The following PCDH9 variants were observed in gnomAD, a reference collection of about 807,000 sequenced individuals.
PCDH9 encodes the protein protocadherin 9, also known as protocadherin-9.
A neutral mutation model predicts 70.6 loss-of-function variants in PCDH9; 24 were observed. The observed-to-expected ratio is 0.34, with a 90% CI of 0.25 to 0.48. The LOEUF is 0.48. Ranked by LOEUF, PCDH9 falls within the 20% of genes least tolerant of loss-of-function variation. The pLI is 0.99. For synonymous variants in PCDH9, 562 were observed against 558.5 expected, an observed-to-expected ratio of 1.01 and a Z score of -0.09; for missense variants, 1,281 against 1,503.6, an observed-to-expected ratio of 0.85 and a Z score of 2.45.
chr13:66,921,132 T>G (rs2082630718), intron 2 of PCDH9, among the ~76,000 whole-genome samples: 1 of 151,080 alleles, frequency 6.6e-6, no homozygotes, highest in South Asian at 2.1e-4. Flanking sequence ...AATCTCTACC[T>G]ACAAGACTGA....
At chr13:66,529,322 C>T (rs1960343127) in intron 4 of PCDH9, among the ~76,000 whole-genome samples, 1 of 152,098 alleles carries the variant, frequency 6.6e-6, no homozygotes, top group Non-Finnish European at 1.5e-5. Context: ...AATTGCAAAA[C>T]TCTAGCTATA....
At position 66,349,647 on chromosome 13, in the gene PCDH9, C is replaced by A. The variant is rs372977750; in HGVS notation, c.3341-44619G>T. On this transcript the variant is annotated intron_variant, in intron 4 of 4. Transcript: ENST00000377865. Reference sequence around the variant, plus strand: ...TAGTGGCTTTTGGGGCAATAGGAGACAGCACTGAAGAAAGTAGTCCCCAAA... The same window carrying A: ...TAGTGGCTTTTGGGGCAATAGGAGAAAGCACTGAAGAAAGTAGTCCCCAAA... Among the ~76,000 whole-genome samples, 5 of 152,188 alleles carry A rather than the reference C, an allele frequency of 3.3e-5. No individual in the cohort carries two copies. In the East Asian group the frequency reaches 7.8e-4, roughly 24 times the overall value.
At chr13:66,958,356 G>A (rs1232720597) in intron 2 of PCDH9, among the ~76,000 whole-genome samples, 5 of 152,188 alleles carry the variant, frequency 3.3e-5, no homozygotes, top group African/African-American at 7.2e-5. Flanking sequence ...TAAAGAAGTA[G>A]AGATTGCTTC....
chr13:66,612,773 G>T (rs897195653), intron 4 of PCDH9, among the ~76,000 whole-genome samples: 2 of 152,010 alleles, frequency 1.3e-5, no homozygotes, highest in African/African-American at 2.4e-5. Context: ...TTGAATGGCT[G>T]GGTGGGAAAC....
intron 2 of PCDH9, among the ~76,000 whole-genome samples, chr13:66,977,853 C>T (rs1000695092): frequency 6.6e-6 from 1 of 152,016 alleles, no homozygotes; most frequent in African/African-American, 2.4e-5. Context: ...CTCTATCCCA[C>T]CAGATTTCGC....
chr13:66,562,244 C>T (rs1015453942), intron 4 of PCDH9, among the ~76,000 whole-genome samples: 1 of 152,114 alleles, frequency 6.6e-6, no homozygotes, highest in African/African-American at 2.4e-5. Context: ...TCAGTTACCA[C>T]TGATGACATC....
chr13:66,737,823 C>CTT (rs1566159395), intron 3 of PCDH9, among the ~76,000 whole-genome samples: 17 of 152,208 alleles, frequency 1.1e-4, no homozygotes, highest in African/African-American at 3.6e-4. Flanking sequence ...GACTATATCC[C>CTT]ACACCTGGCT....
chr13:66,384,983 T>A (rs536431155), intron 4 of PCDH9, among the ~76,000 whole-genome samples: 2 of 152,176 alleles, frequency 1.3e-5, no homozygotes, highest in African/African-American at 4.8e-5. Context: ...TCTGCCACTT[T>A]ATACCTTTTG....
chr13:66,662,143 AC>A (rs1159429534), intron 3 of PCDH9, among the ~76,000 whole-genome samples: 1 of 152,094 alleles, frequency 6.6e-6, no homozygotes, highest in Non-Finnish European at 1.5e-5. Context: ...CAACATCAAA[AC>A]AAATATCAAG....
intron 2 of PCDH9, chr13:67,202,897 A>G (rs986041281): frequency 6.6e-6 from 1 of 152,054 alleles, no homozygotes; most frequent in African/African-American, 2.4e-5. Flanking sequence ...GTCTTGGTAT[A>G]TTTCCAAGGT....
rs1253500989 is a variant in PCDH9, at chr13:66,923,444, T to C, written c.3037-19839A>G. 3.3e-5 allele frequency among the ~76,000 whole-genome samples: 5 copies of C among 151,638 alleles called. No individual in the cohort carries two copies. The East Asian group carries it at 9.7e-4, about 29-fold the overall frequency. On this transcript the variant is annotated intron_variant, in intron 2 of 4. Coordinates refer to ENST00000377865, the MANE Select transcript of PCDH9 (RefSeq NM_203487.3). ...TGTAAATTGAATTATAAAGACTTTA[T>C]CTTAAGCAAGACAATTAAAATATCT...
chr13:66,439,425 A>G (rs1957933652), intron 4 of PCDH9, among the ~76,000 whole-genome samples: 4 of 152,212 alleles, frequency 2.6e-5, no homozygotes, highest in Admixed American at 2.6e-4. Flanking sequence ...TTCTAAGAGT[A>G]GATTTCAGAT....
intron 2 of PCDH9, among the ~76,000 whole-genome samples, chr13:67,029,676 A>T (rs1295293028): frequency 3.9e-5 from 6 of 152,180 alleles, no homozygotes; most frequent in Non-Finnish European, 8.8e-5. Flanking sequence ...AACTAAGCTT[A>T]TTCATCATTT....
chr13:66,779,849 C>CTCTCTCTATATATA (rs1395244975), intron 3 of PCDH9, among the ~76,000 whole-genome samples: 35 of 78,906 alleles, frequency 4.4e-4, no homozygotes, highest in African/African-American at 1.2e-3. Flanking sequence ...CTCTCTCTCT[C>CTCTCTCTATATATA]TATATATATA....
chr13:66,750,376 A>C (rs1594005901), intron 3 of PCDH9, among the ~76,000 whole-genome samples: 1 of 152,038 alleles, frequency 6.6e-6, no homozygotes, highest in East Asian at 1.9e-4. Context: ...AAGTTTTCTC[A>C]TTCTCCAAGT....
At chr13:66,484,884 G>T (rs1010577569) in intron 4 of PCDH9, among the ~76,000 whole-genome samples, 36 of 152,270 alleles carry the variant, frequency 2.4e-4, no homozygotes, top group African/African-American at 8.2e-4. Context: ...ATGTAAGAGT[G>T]CTTTGTAAAA....
At chr13:66,870,545 AAAAC>A (rs1340103418) in intron 3 of PCDH9, among the ~76,000 whole-genome samples, 1 of 152,192 alleles carries the variant, frequency 6.6e-6, no homozygotes, top group Non-Finnish European at 1.5e-5. Flanking sequence ...TTACAAGAAA[AAAAC>A]AAACAACCCC....
At chr13:66,306,196 C>T (rs539174779) in intron 4 of PCDH9, 12 of 151,954 alleles carry the variant, frequency 7.9e-5, no homozygotes, top group Middle Eastern at 6.8e-3. Context: ...GCTTAGTCAT[C>T]AATTTAAATC....
intron 4 of PCDH9, among the ~76,000 whole-genome samples, chr13:66,379,746 C>T (rs1956811175): frequency 6.6e-6 from 1 of 151,880 alleles, no homozygotes; most frequent in Non-Finnish European, 1.5e-5. Context: ...CGTGTTTAAA[C>T]GATAAAAAGT....
Sources: gnomAD v4.1 joint callset for allele counts (sites outside exome capture counted in the v4.1 genomes callset) on GRCh38, gnomAD v4.1.1 for gene constraint, MANE v1.5 for transcripts, NCBI Gene and HGNC (gene_info 2026-07-23, HGNC 2026-07-21) for gene names.